The following RSF1 variants were observed in gnomAD, a reference collection of about 807,000 sequenced individuals.
RSF1 encodes HBV pX-associated protein 8.
In RSF1, 13 loss-of-function variants were observed where a neutral mutation model predicts 145.2. That is an observed-to-expected ratio of 0.09 (90% confidence interval 0.06 to 0.14). RSF1 has a LOEUF of 0.14. Among genes scored for constraint, RSF1 ranks in the 10% least tolerant of loss-of-function variants. The probability of loss-of-function intolerance (pLI) is 1.00; values close to 1 mark genes in which losing one functional copy is unlikely to be tolerated. For missense variants in RSF1, 1,517 were observed against 1,718.2 expected (o/e 0.88, Z 2.07); for synonymous variants, 577 against 592.6 (o/e 0.97, Z 0.38).
chr11:77,702,273 A>T lies in RSF1; in HGVS notation c.956T>A (p.Val319Asp). The part of the protein sequence containing the change: ...KEESDSFKEN[V>D]KPIKVEVKEC... ...CTTCACCTCAACTTTAATGGGTTTG[A>T]CATTTTCCTTGAAGGAATCACTTTC... Residue 319 changes from valine to aspartate, a missense_variant, in exon 6 of 16, where the codon GTC (valine) becomes GAC (aspartate). Physicochemically the swap from Val to Asp is radical, Grantham distance 152. Transcript: ENST00000308488. 1.2e-6 allele frequency: 2 copies of T among 1,609,426 alleles called. No individual in the cohort carries two copies. Among genetic ancestry groups the T allele is most frequent in the Non-Finnish European group, 1.7e-6 (2 of 1,178,922 alleles).
At chr11:77,813,480 T>G (rs1298923637) in intron 1 of RSF1, 1 of 980,414 alleles carries the variant, frequency 1.0e-6, no homozygotes, top group Non-Finnish European at 1.6e-6. Flanking sequence ...AAGGACTTTT[T>G]CTGTAGTGAT....
chr11:77,743,547 T>C (rs1044111035), intron 3 of RSF1, among the ~76,000 whole-genome samples: 3 of 152,264 alleles, frequency 2.0e-5, no homozygotes, highest in Admixed American at 6.5e-5. Context: ...GAAACACTTC[T>C]AATTTTTGTA....
chr11:77,819,276 C>T (rs1031191432), intron 1 of RSF1, among the ~76,000 whole-genome samples: 2 of 152,204 alleles, frequency 1.3e-5, no homozygotes, highest in African/African-American at 4.8e-5. Flanking sequence ...TCTTCTCCAG[C>T]CAAGGGCTGT....
chr11:77,844,447 A>G, the RSF1 span, among the ~76,000 whole-genome samples: 4 of 151,948 alleles, frequency 2.6e-5, no homozygotes, highest in South Asian at 8.3e-4. Flanking sequence ...ACTGTAGTCT[A>G]CACCACCTGG....
At chr11:77,771,442 A>G (rs779225157) in intron 1 of RSF1, among the ~76,000 whole-genome samples, 5 of 152,332 alleles carry the variant, frequency 3.3e-5, no homozygotes, top group Non-Finnish European at 5.9e-5. Flanking sequence ...GGAGGCCAAC[A>G]GCTTCCTCCA....
intron 2 of RSF1, chr11:77,763,369 G>A (rs1268762987): frequency 2.7e-5 from 4 of 150,020 alleles, no homozygotes; most frequent in African/African-American, 9.8e-5. Flanking sequence ...ATTAAAAGAA[G>A]CCTTCAAGAA....
intron 9 of RSF1, chr11:77,690,932 T>C (rs1565149498): frequency 1.9e-6 from 1 of 525,416 alleles, no homozygotes; most frequent in Non-Finnish European, 3.3e-6. Context: ...GAGTATCATA[T>C]AATTTTCATG....
intron 1 of RSF1, among the ~76,000 whole-genome samples, chr11:77,815,240 G>A (rs1948770708): frequency 6.6e-6 from 1 of 152,164 alleles, no homozygotes; most frequent in South Asian, 2.1e-4. Context: ...ACCATATAAA[G>A]CTAAACAAAT....
At chr11:77,834,299 T>A in the RSF1 span, among the ~76,000 whole-genome samples, 14 of 152,270 alleles carry the variant, frequency 9.2e-5, no homozygotes, top group Non-Finnish European at 1.9e-4. Flanking sequence ...TTGAAGAAAT[T>A]AGAAGATGCA....
chr11:77,746,063 T>C (rs1289701038), intron 3 of RSF1, among the ~76,000 whole-genome samples: 1 of 152,134 alleles, frequency 6.6e-6, no homozygotes, highest in Non-Finnish European at 1.5e-5. Flanking sequence ...TCAGTATGTA[T>C]ACTAAAGTAT....
chr11:77,715,853 T>G (rs1737245399), intron 5 of RSF1, among the ~76,000 whole-genome samples: 1 of 152,244 alleles, frequency 6.6e-6, no homozygotes, highest in Non-Finnish European at 1.5e-5. Flanking sequence ...CACGGCTCAC[T>G]GCAGCCTCAA....
intron 9 of RSF1, among the ~76,000 whole-genome samples, chr11:77,687,988 T>G (rs544867944): frequency 6.6e-6 from 1 of 152,162 alleles, no homozygotes; most frequent in Non-Finnish European, 1.5e-5. Flanking sequence ...CATTCTTGGC[T>G]TTTAGAAAGA....
At chr11:77,795,385 G>C (rs1458030837) in intron 1 of RSF1, among the ~76,000 whole-genome samples, 1 of 152,124 alleles carries the variant, frequency 6.6e-6, no homozygotes, top group Non-Finnish European at 1.5e-5. Context: ...CTGCAGAACA[G>C]CCAAAGCAAT....
chr11:77,820,271 C>A (rs1161425836), intron 1 of RSF1, among the ~76,000 whole-genome samples: 1 of 152,182 alleles, frequency 6.6e-6, no homozygotes, highest in Non-Finnish European at 1.5e-5. Flanking sequence ...TCCCCGCCTC[C>A]AGCCCACACC....
intron 5 of RSF1, among the ~76,000 whole-genome samples, chr11:77,723,232 G>A (rs944336559): frequency 1.3e-5 from 2 of 152,190 alleles, no homozygotes; most frequent in African/African-American, 4.8e-5. Flanking sequence ...GCCAAGGCAG[G>A]AGGGTCGCCT....
chr11:77,678,206 T>G, intron 11 of RSF1, 53 bp from the exon 12 acceptor site: 1 of 1,066,808 alleles, frequency 9.4e-7, no homozygotes, highest in East Asian at 2.7e-5. Flanking sequence ...TTTTTTTTTT[T>G]TTTTTAATTA....
At chr11:77,724,352 T>C (rs1461981954) in intron 5 of RSF1, among the ~76,000 whole-genome samples, 7 of 152,164 alleles carry the variant, frequency 4.6e-5, no homozygotes, top group African/African-American at 1.7e-4. Flanking sequence ...AATTACCATA[T>C]ATGATCCAGC....
intron 1 of RSF1, among the ~76,000 whole-genome samples, chr11:77,812,247 A>G (rs1434769671): frequency 6.6e-6 from 1 of 152,226 alleles, no homozygotes; most frequent in East Asian, 1.9e-4. Flanking sequence ...TTAGAAATCT[A>G]GTTTTAAATA....
chr11:77,703,160 A>T (rs1381399207), intron 5 of RSF1: 2 of 152,224 alleles, frequency 1.3e-5, no homozygotes, highest in Non-Finnish European at 2.9e-5. Flanking sequence ...CCTCAATGTG[A>T]TCATATTACA....
Sources: allele counts gnomAD v4.1 joint callset (sites outside exome capture counted in the v4.1 genomes callset), GRCh38; gene constraint gnomAD v4.1.1; transcripts MANE v1.5; gene names NCBI Gene and HGNC (gene_info 2026-07-23, HGNC 2026-07-21).